Variants in CKAP5 observed in about 807,000 individuals in gnomAD.
CKAP5 encodes the protein cytoskeleton-associated protein 5.
A neutral mutation model predicts 232.8 loss-of-function variants in CKAP5; 27 were observed. That is an observed-to-expected ratio of 0.12 (90% CI 0.09 to 0.16). The LOEUF is 0.16. Ranked by LOEUF, CKAP5 falls within the 10% of genes least tolerant of loss-of-function variation. The pLI is 1.00. For missense variants in CKAP5, 1,838 were observed against 2,424.7 expected (o/e 0.76, Z 5.08); for synonymous variants, 785 against 841.1 (o/e 0.93, Z 1.16).
In CKAP5 at chr11:46,780,333, G is replaced by GA. The variant is rs1565731801; in HGVS notation, c.2308-15dup. ...AGTCCTCACAGCCTGCCAGACAGAAGAAAAATAACTTTTTAAATCACAAAG... is the reference window on the plus strand; with the variant it reads ...AGTCCTCACAGCCTGCCAGACAGAAGAAAAAATAACTTTTTAAATCACAAAG... On this transcript the variant is annotated splice_polypyrimidine_tract_variant and intron_variant, in intron 19 of 43. Transcript: ENST00000529230. 1.2e-6 allele frequency: 2 copies of GA among 1,613,608 alleles called. No homozygotes were observed. Among genetic ancestry groups the GA allele is most frequent in the South Asian group, 2.2e-5 (2 of 91,000 alleles).
intron 24 of CKAP5, 83 bp downstream of exon 24, chr11:46,776,171 TA>T: frequency 8.7e-7 from 1 of 1,143,136 alleles, no homozygotes; most frequent in Non-Finnish European, 1.2e-6. Context: ...ATTCTAACCA[TA>T]AATGCGTATT....
At position 46,769,958 on chromosome 11, in the gene CKAP5, G is replaced by C; in HGVS notation, c.3322+5C>G. On this transcript the variant is annotated splice_donor_5th_base_variant and intron_variant, in intron 26 of 43. Transcript: ENST00000529230. ...TCCCCTTTAACCTTCTTAAGATAGA[G>C]TTACCTGATGCAGGCTGGAATTTGG... is the stretch of plus-strand genomic sequence containing the variant. 6.2e-7 allele frequency: 1 copy of C among 1,614,052 alleles called. No homozygotes were observed. Among genetic ancestry groups the C allele is most frequent in the Non-Finnish European group, 8.5e-7 (1 of 1,179,970 alleles).
intron 8 of CKAP5, among the ~76,000 whole-genome samples, chr11:46,805,891 C>T (rs1307392269): frequency 1.3e-5 from 2 of 152,088 alleles, no homozygotes; most frequent in African/African-American, 4.8e-5. Context: ...GAGCCGAGAT[C>T]GTGCCACTGC....
At position 46,809,509 on chromosome 11, in the gene CKAP5, A is replaced by C; in HGVS notation, c.764-9T>G. On this transcript the variant is annotated splice_polypyrimidine_tract_variant and intron_variant, in intron 6 of 43. Transcript: ENST00000529230. ...ATCACCATCATCACCACCTTTAAGG[A>C]GAAAAACAACACAAACCTTAAAAAT... is the stretch of plus-strand genomic sequence containing the variant. 6.9e-6 allele frequency: 11 copies of C among 1,589,044 alleles called. No individual in the cohort carries two copies. Among genetic ancestry groups the C allele is most frequent in the Non-Finnish European group, 9.5e-6 (11 of 1,160,772 alleles).
chr11:46,751,008 G>A (rs924101844), intron 40 of CKAP5, 110 bp downstream of exon 40: 16 of 1,306,880 alleles, frequency 1.2e-5, no homozygotes, highest in Non-Finnish European at 1.5e-5. Flanking sequence ...ACCAGTCCAT[G>A]AGCCTTCACC....
chr11:46,801,224 C>G lies in CKAP5; in HGVS notation c.1059G>C (p.Lys353Asn). 2 of 1,613,470 alleles carry G rather than the reference C, an allele frequency of 1.2e-6. No homozygotes were observed. The change falls in exon 9 of 44, where the codon AAG becomes AAC. Residue 353 changes from lysine to asparagine, a missense_variant. By Grantham distance (94) the Lys-to-Asn change is moderately conservative. Transcript: ENST00000529230. ...CLTGLAVGLRKKFGQYAGHVV... is the reference protein window; with the variant it reads ...CLTGLAVGLRNKFGQYAGHVV... ...CATGTCCTGCATATTGTCCAAATTT[C>G]TTCCTTAGCCCAACAGCCAGGCCAG...
intron 1 of CKAP5, among the ~76,000 whole-genome samples, chr11:46,827,545 A>T (rs558491642): frequency 2.0e-5 from 3 of 152,294 alleles, no homozygotes; most frequent in Non-Finnish European, 4.4e-5. Context: ...GAGGATCCTG[A>T]GCCCAGGACT....
At chr11:46,754,862 C>A in intron 36 of CKAP5, 26 bp downstream of exon 36, 1 of 1,597,486 alleles carries the variant, frequency 6.3e-7, no homozygotes, top group Non-Finnish European at 8.5e-7. Flanking sequence ...TGATGGGAAG[C>A]TGAAATTCTG....
chr11:46,818,901 A>G (rs1052709548), intron 2 of CKAP5, among the ~76,000 whole-genome samples: 2 of 152,156 alleles, frequency 1.3e-5, no homozygotes, highest in African/African-American at 4.8e-5. Flanking sequence ...TATAATCATT[A>G]GGTAGCTTTA....
intron 1 of CKAP5, among the ~76,000 whole-genome samples, chr11:46,843,617 G>A (rs1441892479): frequency 1.3e-5 from 2 of 151,588 alleles, no homozygotes; most frequent in African/African-American, 4.9e-5. Context: ...TGTAGTCCCA[G>A]CTACCGGAAG....
intron 16 of CKAP5, 106 bp downstream of exon 16, chr11:46,788,575 A>G: frequency 4.8e-6 from 1 of 208,162 alleles, no homozygotes; most frequent in Non-Finnish European, 9.1e-6. Context: ...ACTCCGTCTC[A>G]AAAAAAAAAA....
intron 33 of CKAP5, among the ~76,000 whole-genome samples, chr11:46,759,780 C>T (rs1275161544): frequency 6.6e-6 from 1 of 152,162 alleles, no homozygotes; most frequent in Non-Finnish European, 1.5e-5. Context: ...TCAAAGTTCA[C>T]TACTTATGAG....
chr11:46,817,802 G>C (rs1939438442), intron 3 of CKAP5, among the ~76,000 whole-genome samples: 1 of 152,042 alleles, frequency 6.6e-6, no homozygotes, highest in South Asian at 2.1e-4. Flanking sequence ...AACTGGCCAG[G>C]AGTCACTGAG....
intron 16 of CKAP5, among the ~76,000 whole-genome samples, chr11:46,784,985 T>C (rs1465178621): frequency 6.6e-6 from 1 of 152,166 alleles, no homozygotes; most frequent in African/African-American, 2.4e-5. Flanking sequence ...ATTATTTGCA[T>C]TTAGTACTGA....
intron 5 of CKAP5, among the ~76,000 whole-genome samples, chr11:46,810,322 T>G (rs543064237): frequency 6.6e-6 from 1 of 152,082 alleles, no homozygotes; most frequent in Non-Finnish European, 1.5e-5. Flanking sequence ...AAAGATTCAT[T>G]CATTCATTCA....
intron 4 of CKAP5, among the ~76,000 whole-genome samples, chr11:46,812,686 G>A (rs1337554970): frequency 6.6e-6 from 1 of 151,980 alleles, no homozygotes; most frequent in African/African-American, 2.4e-5. Context: ...CATCCAGGCT[G>A]GAATGCAGTG....
chr11:46,802,553 G>GAC (rs372896887), intron 8 of CKAP5, among the ~76,000 whole-genome samples: 3,335 of 142,312 alleles, frequency 0.023, 114 homozygotes, highest in Admixed American at 0.09. Context: ...CAGACAGACA[G>GAC]ACAGACACAC....
chr11:46,799,308 T>C (rs1023587513), intron 9 of CKAP5, among the ~76,000 whole-genome samples: 4 of 152,158 alleles, frequency 2.6e-5, no homozygotes, highest in Non-Finnish European at 1.5e-5. Flanking sequence ...CAAAGCTCAA[T>C]GGCATCCAAA....
At chr11:46,844,173 G>A (rs1412382787) in intron 1 of CKAP5, among the ~76,000 whole-genome samples, 2 of 150,584 alleles carry the variant, frequency 1.3e-5, no homozygotes, top group African/African-American at 4.9e-5. Flanking sequence ...AGTCAGCTGA[G>A]ATCGCACCAC....
Sources: gnomAD v4.1 joint callset for allele counts (sites outside exome capture counted in the v4.1 genomes callset) on GRCh38, gnomAD v4.1.1 for gene constraint, MANE v1.5 for transcripts, NCBI Gene and HGNC (gene_info 2026-07-23, HGNC 2026-07-21) for gene names.